Variants in SHANK1 observed in about 807,000 individuals in gnomAD.
SHANK1 encodes the protein SH3 and multiple ankyrin repeat domains 1, also known as SH3 and multiple ankyrin repeat domains protein 1.
A neutral mutation model predicts 165.6 loss-of-function variants in SHANK1; 35 were observed. That is an observed-to-expected ratio of 0.21 (90% CI 0.16 to 0.28). The LOEUF (loss-of-function observed/expected upper bound fraction) is 0.28. Among genes scored for constraint, SHANK1 ranks in the 10% least tolerant of loss-of-function variants. SHANK1 has a pLI of 1.00. For missense variants in SHANK1, 2,681 were observed against 3,036.4 expected (o/e 0.88, Z 2.75); for synonymous variants, 1,428 against 1,384.8 (o/e 1.03, Z -0.69).
In SHANK1 at chr19:50,704,467, C is replaced by T; in HGVS notation, c.1125G>A (p.Val375=). 1.2e-6 allele frequency: 2 copies of T among 1,614,158 alleles called. No individual in the cohort carries two copies. Among genetic ancestry groups the T allele is most frequent in the African/African-American group, 1.3e-5 (1 of 75,032 alleles). Residue 375 remains valine, a synonymous_variant, in exon 9 of 24, where the codon GTG becomes GTA. Coordinates refer to ENST00000293441, the MANE Select transcript of SHANK1 (RefSeq NM_016148.5). ...ILLYRGADKD[V]KNNNGQTPFQ... The stretch of plus-strand genomic sequence containing the variant: ...AGGGGGTCTGTCCGTTGTTGTTCTT[C>T]ACATCCTTGTCGGCACCTCGATACA...
At chr19:50,673,511 C>G (rs528842405) in intron 21 of SHANK1, among the ~76,000 whole-genome samples, 3 of 152,092 alleles carry the variant, frequency 2.0e-5, no homozygotes, top group Non-Finnish European at 4.4e-5. Context: ...TTCTCCTCGG[C>G]GAGACCTTCC....
rs1191135610 is a variant in SHANK1 at position 50,667,960 on chromosome 19, G to T, written c.4000C>A (p.Pro1334Thr). 2.1e-6 allele frequency: 3 copies of T among 1,413,648 alleles called. No individual in the cohort carries two copies. Among genetic ancestry groups the T allele is most frequent in the Non-Finnish European group, 2.8e-6 (3 of 1,088,670 alleles). 87.6% of individuals were successfully genotyped at this position (1,413,648 alleles called of 1,614,324 possible). ...GGSSAFTSFL[P>T]PRPLVHPLTG... ...AGCGGGTGCACCAGGGGTCGCGGGG[G>T]CAGGAAGCTGGTGAAGGCGCTGCTG... The change falls in exon 23 of 24, where the codon CCC (proline) becomes ACC (threonine). Residue 1334 changes from proline (P) to threonine (T), a missense_variant. Pro to Thr is a conservative substitution (Grantham distance 38). Coordinates refer to ENST00000293441, the MANE Select transcript of SHANK1 (RefSeq NM_016148.5). This position sits in a 1 kb window ranked among gnomAD's most constrained non-coding sequence, Gnocchi z 5.7.
intron 12 of SHANK1, among the ~76,000 whole-genome samples, chr19:50,698,945 C>T (rs1445607014): frequency 1.3e-5 from 2 of 152,230 alleles, no homozygotes; most frequent in Admixed American, 6.5e-5. Flanking sequence ...CTCGTTCAAC[C>T]CTTGTGCCTA....
Position 50,686,099 on chromosome 19 carries a change from A to G in SHANK1, c.2577+138T>C. Reference sequence around the variant, plus strand: ...CTCCAAAGTTGGGAGAAAGGAGGAAACCCTAGGATGTGTGTCGCCCCTCCA... The same window carrying G: ...CTCCAAAGTTGGGAGAAAGGAGGAAGCCCTAGGATGTGTGTCGCCCCTCCA... On this transcript the variant is annotated intron_variant, in intron 21 of 23. Coordinates refer to ENST00000293441, the MANE Select transcript of SHANK1 (RefSeq NM_016148.5). This position sits in a 1 kb window ranked among gnomAD's most constrained non-coding sequence, Gnocchi z 5.7. 3 of 444,728 alleles carry G rather than the reference A, an allele frequency of 6.7e-6. No homozygotes were observed. Among genetic ancestry groups the G allele is most frequent in the East Asian group, 7.1e-5 (2 of 28,266 alleles). 27.5% of individuals were successfully genotyped at this position (444,728 alleles called of 1,614,324 possible).
chr19:50,695,295 C>T, intron 15 of SHANK1, among the ~76,000 whole-genome samples: 1 of 147,142 alleles, frequency 6.8e-6, no homozygotes, highest in Non-Finnish European at 1.5e-5. Context: ...GCGGCGGTAG[C>T]GCGAGGACCG....
Position 50,717,456 on chromosome 19 carries a change from G to T in SHANK1, c.-43-494C>A, listed in dbSNP as rs1454757650. Among the ~76,000 whole-genome samples, 1 of 152,208 alleles carries T rather than the reference G, an allele frequency of 6.6e-6. No homozygotes were observed. The highest frequency in any genetic ancestry group is 1.5e-5 in the Non-Finnish European group (1 of 68,038). ...GAGGCTGACACTGAGATGTAGTAAG[G>T]GGGAGAGGGAGGTGTGGTGAGCCTG... On this transcript the variant is annotated intron_variant, in intron 1 of 23. Transcript: ENST00000293441. This position sits in a 1 kb window ranked among gnomAD's most constrained non-coding sequence, Gnocchi z 5.5.
chr19:50,666,745 C>T lies in SHANK1; in HGVS notation c.5215G>A (p.Gly1739Ser). The change falls in exon 23 of 24, where the codon GGC (glycine) becomes AGC (serine). Residue 1739 changes from glycine (G) to serine (S), a missense_variant. Around this residue, in one of 10 missense-constraint regions of SHANK1, gnomAD observed 1,713 missense variants for 1,630.2 expected, o/e 1.05. Coordinates refer to ENST00000293441, the MANE Select transcript of SHANK1 (RefSeq NM_016148.5). ...VAYLDGQAFG[G>S]SSTPGPPYPP... The stretch of plus-strand genomic sequence containing the variant: ...TATGGCGGGCCGGGAGTACTGCTGC[C>T]CCCAAAGGCCTGGCCGTCCAGGTAG... The T allele has an allele frequency of 2.6e-6, 4 of 1,562,590 alleles. No homozygotes were observed. Among genetic ancestry groups the T allele is most frequent in the Non-Finnish European group, 3.5e-6 (4 of 1,155,010 alleles).
chr19:50,692,656 C>T (rs905422783), intron 15 of SHANK1, among the ~76,000 whole-genome samples: 7 of 151,628 alleles, frequency 4.6e-5, no homozygotes, highest in African/African-American at 1.7e-4. Flanking sequence ...CTCATCCCAC[C>T]ACAGTCTCCT....
chr19:50,717,710 G>A lies in SHANK1; in HGVS notation c.-43-748C>T, dbSNP rs936910189. 1.3e-5 allele frequency among the ~76,000 whole-genome samples: 2 copies of A among 152,198 alleles called. No homozygotes were observed. The highest frequency in any genetic ancestry group is 6.5e-5 in the Admixed American group (1 of 15,306). ...AGGTGGGGAGGTCGGCCTGGGGAGT[G>A]CTGTCCAGGTGACAGTGGTGTGGTG... On this transcript the variant is annotated intron_variant, in intron 1 of 23. Transcript: ENST00000293441. The surrounding 1 kb of genome is among the most constrained non-coding windows in gnomAD (Gnocchi z 5.5).
In SHANK1 at chr19:50,668,695, G is replaced by T; in HGVS notation, c.3265C>A (p.Pro1089Thr). ...GPALRYFQLP[P>T]RAASAAMYVP... ...TACATGGCTGCGCTGGCCGCCCGCG[G>T]GGGCAGCTGGAAATAGCGTAGAGCC... Residue 1089 changes from proline (P) to threonine (T), a missense_variant, in exon 23 of 24, where the codon CCG becomes ACG. This residue lies in a region of SHANK1 where 1,713 missense variants were observed against 1,630.2 expected (regional missense o/e 1.05). Coordinates refer to ENST00000293441, the MANE Select transcript of SHANK1 (RefSeq NM_016148.5). The T allele has an allele frequency of 7.7e-7, 1 of 1,303,510 alleles. No homozygotes were observed. The highest frequency in any genetic ancestry group is 1.6e-5 in the African/African-American group (1 of 64,234). 80.7% of individuals were successfully genotyped at this position (1,303,510 alleles called of 1,614,324 possible). A position where few individuals can be genotyped will look rare whatever the true frequency, so the allele number is the denominator to read the frequency against.
rs1986789895 is a variant in SHANK1, at chr19:50,697,820, C to G, written c.1861+23G>C. 6.3e-6 allele frequency: 10 copies of G among 1,595,074 alleles called. No homozygotes were observed. Among genetic ancestry groups the G allele is most frequent in the Non-Finnish European group, 7.7e-6 (9 of 1,163,566 alleles). On this transcript the variant is annotated intron_variant, in intron 13 of 23. Coordinates refer to ENST00000293441, the MANE Select transcript of SHANK1 (RefSeq NM_016148.5). The surrounding 1 kb of genome is among the most constrained non-coding windows in gnomAD (Gnocchi z 4.7). ...CGTGGGAATCCTAGGGTCCATTGAACACTGCTGGGGGTTCCGCATTACCTT... is the reference window on the plus strand; with the variant it reads ...CGTGGGAATCCTAGGGTCCATTGAAGACTGCTGGGGGTTCCGCATTACCTT...
Position 50,708,496 on chromosome 19 carries a change from C to T in SHANK1, c.1077+2875G>A, listed in dbSNP as rs554165356. On this transcript the variant is annotated intron_variant, in intron 8 of 23. Coordinates refer to ENST00000293441, the MANE Select transcript of SHANK1 (RefSeq NM_016148.5). ...GACTGTGAACTCCCACCCCCCCCAA[C>T]CCCGCCCTCGCCCTCCCCAGGCCAG... Among the ~76,000 whole-genome samples the T allele has an allele frequency of 1.9e-5, 2 of 104,162 alleles. 1 individual carries two copies. The highest frequency in any genetic ancestry group is 7.2e-5 in the African/African-American group (2 of 27,794). 68.3% of individuals were successfully genotyped at this position (104,162 alleles called of 152,430 possible). A position where few individuals can be genotyped will look rare whatever the true frequency, so the allele number is the denominator to read the frequency against.
At chr19:50,708,803 A>G (rs2088974908) in intron 8 of SHANK1, among the ~76,000 whole-genome samples, 3 of 151,992 alleles carry the variant, frequency 2.0e-5, no homozygotes, top group Admixed American at 2.0e-4. Flanking sequence ...TCATTCACTC[A>G]CTCAACAAAG....
chr19:50,695,395 G>C (rs2123154782), intron 15 of SHANK1, among the ~76,000 whole-genome samples: 1 of 149,234 alleles, frequency 6.7e-6, no homozygotes, highest in African/African-American at 2.5e-5. Flanking sequence ...GCCGGGCGGC[G>C]GAGGGGGCCG....
intron 21 of SHANK1, among the ~76,000 whole-genome samples, chr19:50,684,299 T>C (rs1599852381): frequency 6.6e-6 from 1 of 152,032 alleles, no homozygotes; most frequent in African/African-American, 2.4e-5. Flanking sequence ...GATCTCGGCT[T>C]ACTGCAACCC....
intron 21 of SHANK1, among the ~76,000 whole-genome samples, chr19:50,684,278 T>G (rs1196200402): frequency 1.3e-5 from 2 of 151,248 alleles, no homozygotes; most frequent in Admixed American, 1.3e-4. Flanking sequence ...CAGGCTGGAG[T>G]GCAATGGTGC....
chr19:50,685,830 G>A (rs913352452), intron 21 of SHANK1, among the ~76,000 whole-genome samples: 1 of 152,196 alleles, frequency 6.6e-6, no homozygotes, highest in African/African-American at 2.4e-5. Flanking sequence ...GGGAGAGGCA[G>A]ACAGAGTGGC....
At chr19:50,684,125 C>T (rs1020219352) in intron 21 of SHANK1, among the ~76,000 whole-genome samples, 3 of 152,058 alleles carry the variant, frequency 2.0e-5, no homozygotes, top group Non-Finnish European at 4.4e-5. Flanking sequence ...GAGAAGTTTG[C>T]TGCAGGGCAG....
At chr19:50,689,006 G>C (rs200105673) in intron 16 of SHANK1, 38 bp from the exon 17 acceptor site, 1 of 1,442,900 alleles carries the variant, frequency 6.9e-7, no homozygotes, top group Non-Finnish European at 9.5e-7. Flanking sequence ...CGGAGGGGAG[G>C]GGGTGGAGAG....
Sources: gnomAD v4.1 joint callset for allele counts (sites outside exome capture counted in the v4.1 genomes callset) on GRCh38, gnomAD v4.1.1 for gene constraint, gnomAD v4.1.1 regional missense constraint, Gnocchi (gnomAD v3.1) non-coding constraint, MANE v1.5 for transcripts, NCBI Gene and HGNC (gene_info 2026-07-23, HGNC 2026-07-21) for gene names.